The following ARHGEF3 variants were observed in gnomAD, a reference collection of about 807,000 sequenced individuals.
ARHGEF3 encodes the protein 59.8 kDA protein.
A neutral mutation model predicts 63.2 loss-of-function variants in ARHGEF3; 28 were observed. The observed-to-expected ratio is 0.44, with a 90% CI of 0.33 to 0.61. The LOEUF is 0.61. Among genes scored for constraint, ARHGEF3 ranks in the 20% least tolerant of loss-of-function variants. ARHGEF3 has a pLI of 0.03. For missense variants in ARHGEF3, 533 were observed against 659.3 expected (o/e 0.81, Z 2.10); for synonymous variants, 266 against 254.2 (o/e 1.05, Z -0.44).
intron 4 of ARHGEF3, among the ~76,000 whole-genome samples, chr3:56,864,741 G>A (rs923579071): frequency 6.6e-6 from 1 of 152,128 alleles, no homozygotes; most frequent in Non-Finnish European, 1.5e-5. Context: ...TTACAGTTTA[G>A]AATGATCTTC....
intron 1 of ARHGEF3, among the ~76,000 whole-genome samples, chr3:57,051,578 T>C (rs1359714206): frequency 1.3e-5 from 2 of 152,228 alleles, no homozygotes; most frequent in African/African-American, 4.8e-5. Context: ...CCAGTGAACA[T>C]TTACTGAGCC....
intron 3 of ARHGEF3, among the ~76,000 whole-genome samples, chr3:56,921,705 C>G (rs2042147371): frequency 6.6e-6 from 1 of 152,198 alleles, no homozygotes; most frequent in Non-Finnish European, 1.5e-5. Context: ...TGGTTCAACT[C>G]AAGAGACTGT....
intron 3 of ARHGEF3, among the ~76,000 whole-genome samples, chr3:56,912,485 C>T (rs1293312741): frequency 6.6e-6 from 1 of 152,198 alleles, no homozygotes; most frequent in Non-Finnish European, 1.5e-5. Context: ...GGGTTTGAAA[C>T]CTGATCCACT....
intron 7 of ARHGEF3, among the ~76,000 whole-genome samples, chr3:56,742,990 G>A (rs1017610033): frequency 6.6e-6 from 1 of 152,092 alleles, no homozygotes; most frequent in Admixed American, 6.6e-5. Flanking sequence ...CTCAGAACAG[G>A]CTCCCATGCT....
chr3:56,794,488 C>CAAA (rs10557985), intron 1 of ARHGEF3, among the ~76,000 whole-genome samples: 41 of 116,910 alleles, frequency 3.5e-4, no homozygotes, highest in African/African-American at 9.0e-4. Context: ...GACTCTATCT[C>CAAA]AAAAAAAAAA....
intron 1 of ARHGEF3, chr3:57,075,070 G>GAATGA: frequency 6.0e-6 from 1 of 167,210 alleles, no homozygotes; most frequent in South Asian, 2.1e-4. Context: ...CACAACATTG[G>GAATGA]GCTCCATATG....
At chr3:56,826,775 G>A (rs1304324773) in intron 4 of ARHGEF3, among the ~76,000 whole-genome samples, 1 of 152,092 alleles carries the variant, frequency 6.6e-6, no homozygotes, top group East Asian at 1.9e-4. Flanking sequence ...CTTCTAACTA[G>A]AACTGTGAAG....
At chr3:56,840,767 T>C (rs1382089184) in intron 4 of ARHGEF3, among the ~76,000 whole-genome samples, 2 of 152,210 alleles carry the variant, frequency 1.3e-5, no homozygotes, top group African/African-American at 2.4e-5. Flanking sequence ...TAACATATTA[T>C]AACATTAATA....
At chr3:56,748,784 C>T (rs139901715) in intron 6 of ARHGEF3, among the ~76,000 whole-genome samples, 152 of 152,088 alleles carry the variant, frequency 1.0e-3, no homozygotes, top group African/African-American at 3.6e-3. Flanking sequence ...TCTCAGTAAC[C>T]GGGGTAGTTC....
At chr3:56,925,298 T>C (rs1420110785) in intron 3 of ARHGEF3, among the ~76,000 whole-genome samples, 2 of 152,204 alleles carry the variant, frequency 1.3e-5, no homozygotes, top group Non-Finnish European at 2.9e-5. Flanking sequence ...GTGGTATAAT[T>C]TGGAGTTGTC....
intron 4 of ARHGEF3, among the ~76,000 whole-genome samples, chr3:56,849,534 C>T (rs542560792): frequency 1.3e-4 from 20 of 152,170 alleles, no homozygotes; most frequent in African/African-American, 4.3e-4. Flanking sequence ...GGAGAAAATA[C>T]ACGCTAAGTC....
intron 2 of ARHGEF3, among the ~76,000 whole-genome samples, chr3:56,981,118 A>G (rs1412608795): frequency 6.6e-6 from 1 of 152,240 alleles, no homozygotes; most frequent in East Asian, 1.9e-4. Flanking sequence ...TCCTGGGGAA[A>G]TACATTGGTA....
At chr3:56,796,581 A>G (rs1232518624) in intron 1 of ARHGEF3, among the ~76,000 whole-genome samples, 1 of 152,194 alleles carries the variant, frequency 6.6e-6, no homozygotes, top group African/African-American at 2.4e-5. Flanking sequence ...AGAAGTATTG[A>G]CTAATGGTGG....
intron 2 of ARHGEF3, among the ~76,000 whole-genome samples, chr3:57,002,479 T>TATA (rs1285310560): frequency 1.8e-4 from 7 of 39,454 alleles, no homozygotes; most frequent in East Asian, 1.6e-3. Context: ...TATATATATG[T>TATA]TATATATATA....
At chr3:56,807,778 A>G (rs1470805854) in intron 4 of ARHGEF3, among the ~76,000 whole-genome samples, 2 of 152,192 alleles carry the variant, frequency 1.3e-5, no homozygotes, top group Non-Finnish European at 2.9e-5. Flanking sequence ...CAGTATTACT[A>G]TTCTCCCTTT....
intron 3 of ARHGEF3, among the ~76,000 whole-genome samples, chr3:56,894,514 G>T (rs538395401): frequency 2.0e-4 from 31 of 152,238 alleles, no homozygotes; most frequent in African/African-American, 7.0e-4. Context: ...TTTAGGCCAG[G>T]TTTTGTGGCT....
In ARHGEF3 at chr3:56,737,137, A is replaced by G. The variant is rs759606667; in HGVS notation, c.1041+48T>C. The G allele has an allele frequency of 2.6e-6, 4 of 1,513,298 alleles. No homozygotes were observed. In the Admixed American group the frequency reaches 7.8e-5, roughly 29 times the overall value. 93.7% of individuals were successfully genotyped at this position (1,513,298 alleles called of 1,614,324 possible). A position where few individuals can be genotyped will look rare whatever the true frequency, so the allele number is the denominator to read the frequency against. ...GAGGAGGCTCCACACCAAATGAATTAGGGATACGGGAGGCGGATAAGACTG... is the reference window on the plus strand; with the variant it reads ...GAGGAGGCTCCACACCAAATGAATTGGGGATACGGGAGGCGGATAAGACTG... On this transcript the variant is annotated intron_variant, in intron 8 of 9. Coordinates refer to ENST00000296315, the MANE Select transcript of ARHGEF3 (RefSeq NM_019555.3).
intron 1 of ARHGEF3, among the ~76,000 whole-genome samples, chr3:57,068,753 C>T (rs116082788): frequency 2.6e-5 from 4 of 152,252 alleles, no homozygotes; most frequent in Non-Finnish European, 4.4e-5. Flanking sequence ...AACTGTGTAA[C>T]GTGCTTCCTT....
chr3:57,049,998 C>A (rs1704606654), intron 1 of ARHGEF3, among the ~76,000 whole-genome samples: 2 of 152,198 alleles, frequency 1.3e-5, no homozygotes, highest in African/African-American at 4.8e-5. Context: ...TTTCCACTCT[C>A]AGCCCCTCTC....
Sources: allele counts gnomAD v4.1 joint callset (sites outside exome capture counted in the v4.1 genomes callset), GRCh38; gene constraint gnomAD v4.1.1; transcripts MANE v1.5; gene names NCBI Gene and HGNC (gene_info 2026-07-23, HGNC 2026-07-21).